UBAC2: variants seen among roughly 807,000 people sequenced by gnomAD.
UBAC2 encodes the protein ubiquitin-associated domain-containing protein 2.
UBAC2 carries 26 observed loss-of-function variants against 44.0 expected under a neutral mutation model. The ratio of observed to expected loss-of-function variants is 0.59; its 90% CI spans 0.43 to 0.82. UBAC2 has a LOEUF of 0.82. Among genes scored for constraint, UBAC2 ranks in the 40% least tolerant of loss-of-function variants. The probability of loss-of-function intolerance (pLI) is 0.00; values close to 1 mark genes in which losing one functional copy is unlikely to be tolerated. For missense variants in UBAC2, 329 were observed against 419.4 expected (o/e 0.78, Z 1.88); for synonymous variants, 155 against 154.3 (o/e 1.00, Z -0.04).
chr13:99,233,228 T>C (rs1170790694), intron 1 of UBAC2, among the ~76,000 whole-genome samples: 4 of 151,880 alleles, frequency 2.6e-5, no homozygotes, highest in Non-Finnish European at 5.9e-5. Flanking sequence ...TTCTCCTGCC[T>C]CAGCCTCCCA....
chr13:99,228,531 C>T (rs1365950749), intron 1 of UBAC2, among the ~76,000 whole-genome samples: 1 of 152,070 alleles, frequency 6.6e-6, no homozygotes, highest in Non-Finnish European at 1.5e-5. Context: ...TGACCTCAAG[C>T]GATCTGCCCG....
intron 4 of UBAC2, among the ~76,000 whole-genome samples, chr13:99,301,282 C>G (rs2044253198): frequency 6.6e-6 from 1 of 152,228 alleles, no homozygotes; most frequent in South Asian, 2.1e-4. Context: ...GAACAGGGCC[C>G]TGTCGGCCTT....
At chr13:99,333,517 T>C (rs886287519) in intron 6 of UBAC2, among the ~76,000 whole-genome samples, 1 of 152,258 alleles carries the variant, frequency 6.6e-6, no homozygotes, top group Non-Finnish European at 1.5e-5. Context: ...CTTACAGTAC[T>C]ATGTGCCAGA....
At chr13:99,344,776 G>A (rs931498464) in intron 7 of UBAC2, among the ~76,000 whole-genome samples, 2 of 152,184 alleles carry the variant, frequency 1.3e-5, no homozygotes, top group Non-Finnish European at 2.9e-5. Context: ...CGTGCTCCTC[G>A]TGTGGCTCTG....
chr13:99,361,379 C>A (rs1460423364), intron 7 of UBAC2, among the ~76,000 whole-genome samples: 2 of 152,174 alleles, frequency 1.3e-5, no homozygotes, highest in African/African-American at 4.8e-5. Context: ...ATCCTAGAAC[C>A]TAGAGCCGTA....
intron 1 of UBAC2, among the ~76,000 whole-genome samples, chr13:99,208,371 A>C (rs1459641422): frequency 6.6e-6 from 1 of 152,048 alleles, no homozygotes; most frequent in Admixed American, 6.5e-5. Context: ...CTTGTGACTT[A>C]CCCTTTATGC....
Position 99,212,544 on chromosome 13 carries a change from G to GT in UBAC2, c.31+11611dup, listed in dbSNP as rs540363452. Reference sequence around the variant, plus strand: ...GGTTGGGAATGTTGTTGGCCATATTGTTTTTTGACATTGACGATGCAGATT... The same window carrying GT: ...GGTTGGGAATGTTGTTGGCCATATTGTTTTTTTGACATTGACGATGCAGATT... On this transcript the variant is annotated intron_variant, in intron 1 of 8. Transcript: ENST00000403766. Among the ~76,000 whole-genome samples, 228 of 152,234 alleles carry GT rather than the reference G, an allele frequency of 1.5e-3. 2 individuals are homozygous for GT. Among genetic ancestry groups the GT allele is most frequent in the African/African-American group, 5.3e-3 (222 of 41,526 alleles).
chr13:99,296,387 C>T (rs1025881464), intron 4 of UBAC2, among the ~76,000 whole-genome samples: 4 of 152,106 alleles, frequency 2.6e-5, no homozygotes, highest in Non-Finnish European at 4.4e-5. Context: ...TGTTTTTACT[C>T]TCACAATTTG....
chr13:99,322,792 T>C (rs1041504279), intron 6 of UBAC2, among the ~76,000 whole-genome samples: 1 of 152,174 alleles, frequency 6.6e-6, no homozygotes, highest in East Asian at 1.9e-4. Flanking sequence ...AGAAACACTT[T>C]ACGATGGTGC....
intron 4 of UBAC2, chr13:99,254,742 G>A (rs981933685): frequency 1.4e-6 from 1 of 690,760 alleles, no homozygotes; most frequent in African/African-American, 1.8e-5. Context: ...TTTTATATAA[G>A]TTTTTAAAAT....
Position 99,316,243 on chromosome 13 carries a change from G to C in UBAC2, c.514-1779G>C, listed in dbSNP as rs542481933. On this transcript the variant is annotated intron_variant, in intron 5 of 8. Transcript: ENST00000403766. The stretch of plus-strand genomic sequence containing the variant: ...ATGAATGGCATGCAGGGTTCTTCTT[G>C]ACTGTCTGGTGTCAACTCCCCCTGT... 3.3e-5 allele frequency among the ~76,000 whole-genome samples: 5 copies of C among 152,074 alleles called. No individual in the cohort carries two copies. In the East Asian group the frequency reaches 7.7e-4, roughly 24 times the overall value.
intron 4 of UBAC2, chr13:99,307,440 A>C (rs2044352113): frequency 6.6e-6 from 1 of 152,120 alleles, no homozygotes; most frequent in South Asian, 2.1e-4. Flanking sequence ...GAGGCTGTGC[A>C]GACCTCCTTT....
intron 4 of UBAC2, among the ~76,000 whole-genome samples, chr13:99,298,179 T>C (rs1028096325): frequency 6.6e-6 from 1 of 152,162 alleles, no homozygotes; most frequent in Non-Finnish European, 1.5e-5. Flanking sequence ...TAAAGACTTA[T>C]TTACTCAACA....
chr13:99,318,430 G>A (rs996212153), intron 6 of UBAC2, among the ~76,000 whole-genome samples: 2 of 151,522 alleles, frequency 1.3e-5, no homozygotes, highest in South Asian at 4.2e-4. Flanking sequence ...GCCTCCCAAA[G>A]TGCTGGGATT....
intron 4 of UBAC2, among the ~76,000 whole-genome samples, chr13:99,265,239 G>A (rs2043727042): frequency 6.6e-6 from 1 of 152,172 alleles, no homozygotes; most frequent in Non-Finnish European, 1.5e-5. Flanking sequence ...CCATTTGTAT[G>A]GGTAGACTTT....
At chr13:99,320,737 G>A (rs1320579666) in intron 6 of UBAC2, among the ~76,000 whole-genome samples, 2 of 152,056 alleles carry the variant, frequency 1.3e-5, no homozygotes, top group Admixed American at 6.5e-5. Context: ...TTACTGTGAT[G>A]TGGCATACTT....
intron 4 of UBAC2, among the ~76,000 whole-genome samples, chr13:99,288,474 A>G (rs1032158072): frequency 1.3e-5 from 2 of 152,228 alleles, no homozygotes; most frequent in Non-Finnish European, 2.9e-5. Context: ...GAAATAATTT[A>G]TTGTATTGCC....
intron 4 of UBAC2, among the ~76,000 whole-genome samples, chr13:99,306,956 G>A (rs930727767): frequency 6.6e-6 from 1 of 152,096 alleles, no homozygotes; most frequent in African/African-American, 2.4e-5. Flanking sequence ...AATTCCTATA[G>A]CATAGGAATA....
Position 99,296,007 on chromosome 13 carries a change from C to T in UBAC2, c.390-18090C>T, listed in dbSNP as rs747892266. On this transcript the variant is annotated intron_variant, in intron 4 of 8. Transcript: ENST00000403766. ...ACGACCAAGGCTAGTAAGTTTCCCACGAGCCCAATGATGAAGACGAGGCTG... is the reference window on the plus strand; with the variant it reads ...ACGACCAAGGCTAGTAAGTTTCCCATGAGCCCAATGATGAAGACGAGGCTG... 71 of 1,614,000 alleles carry T rather than the reference C, an allele frequency of 4.4e-5. No homozygotes were observed. The highest frequency in any genetic ancestry group is 1.6e-4 in the Middle Eastern group (1 of 6,084).
Sources: allele counts gnomAD v4.1 joint callset (sites outside exome capture counted in the v4.1 genomes callset), GRCh38; gene constraint gnomAD v4.1.1; transcripts MANE v1.5; gene names NCBI Gene and HGNC (gene_info 2026-07-23, HGNC 2026-07-21).